Variants in COG5 observed in about 807,000 individuals in gnomAD.
COG5 encodes the protein conserved oligomeric Golgi complex subunit 5.
COG5 carries 86 observed loss-of-function variants against 110.4 expected under a neutral mutation model. That is an observed-to-expected ratio of 0.78 (90% CI 0.65 to 0.93). COG5 has a LOEUF of 0.93. Ranked by LOEUF, COG5 falls within the 40% of genes least tolerant of loss-of-function variation. The pLI is 0.00. For missense variants in COG5, 1,077 were observed against 987.0 expected, an observed-to-expected ratio of 1.09 and a Z score of -1.22; for synonymous variants, 360 against 334.6, an observed-to-expected ratio of 1.08 and a Z score of -0.83.
At chr7:107,435,405 C>A (rs1211076009) in intron 6 of COG5, among the ~76,000 whole-genome samples, 5 of 152,164 alleles carry the variant, frequency 3.3e-5, no homozygotes, top group Non-Finnish European at 5.9e-5. Flanking sequence ...GTAATCCCAG[C>A]ACTTTGGGAG....
At chr7:107,461,848 T>C (rs747339380) in intron 6 of COG5, among the ~76,000 whole-genome samples, 1 of 152,214 alleles carries the variant, frequency 6.6e-6, no homozygotes, top group Non-Finnish European at 1.5e-5. Flanking sequence ...GTGAGACCTC[T>C]ACACTGAAAA....
intron 11 of COG5, among the ~76,000 whole-genome samples, chr7:107,303,472 C>T (rs189421144): frequency 8.5e-5 from 13 of 152,158 alleles, no homozygotes; most frequent in Admixed American, 2.6e-4. Context: ...CTGTCACCCA[C>T]GCTGGAGTAC....
chr7:107,439,165 AG>A (rs1272735252), intron 6 of COG5, among the ~76,000 whole-genome samples: 3 of 152,156 alleles, frequency 2.0e-5, no homozygotes, highest in Non-Finnish European at 2.9e-5. Flanking sequence ...TGCCTCATCA[AG>A]GACATTCTTC....
intron 6 of COG5, among the ~76,000 whole-genome samples, chr7:107,509,702 G>C (rs991634891): frequency 1.3e-5 from 2 of 148,432 alleles, no homozygotes; most frequent in East Asian, 2.0e-4. Context: ...CGGATCTCTC[G>C]GCAGAAACTC....
chr7:107,294,438 T>G (rs1311835155), intron 12 of COG5, among the ~76,000 whole-genome samples: 2 of 152,164 alleles, frequency 1.3e-5, no homozygotes, highest in Non-Finnish European at 2.9e-5. Context: ...CTTCCACTTC[T>G]CCAACTCTGT....
At chr7:107,262,867 C>T (rs950794423) in intron 14 of COG5, among the ~76,000 whole-genome samples, 10 of 152,142 alleles carry the variant, frequency 6.6e-5, no homozygotes, top group Non-Finnish European at 1.3e-4. Context: ...ATCTGTAACA[C>T]GGAACTAATA....
At chr7:107,373,790 AT>A (rs1262818473) in intron 7 of COG5, among the ~76,000 whole-genome samples, 2 of 152,214 alleles carry the variant, frequency 1.3e-5, no homozygotes, top group Non-Finnish European at 2.9e-5. Context: ...CCTCTCACGC[AT>A]TAGTAAGTGT....
intron 10 of COG5, among the ~76,000 whole-genome samples, chr7:107,329,388 G>GC (rs1309546479): frequency 6.6e-6 from 1 of 151,634 alleles, no homozygotes; most frequent in Non-Finnish European, 1.5e-5. Context: ...GTGGATTTGG[G>GC]GTAAGATAGT....
intron 10 of COG5, among the ~76,000 whole-genome samples, chr7:107,349,672 C>T (rs1363036698): frequency 6.6e-6 from 1 of 152,184 alleles, no homozygotes; most frequent in East Asian, 1.9e-4. Flanking sequence ...ATTCTCCTGC[C>T]TCAGCCTCCC....
chr7:107,489,852 TC>T, intron 6 of COG5, among the ~76,000 whole-genome samples: 1 of 152,184 alleles, frequency 6.6e-6, no homozygotes, highest in South Asian at 2.1e-4. Flanking sequence ...AGCTGTGTGA[TC>T]CGGGAACGCT....
At chr7:107,525,148 G>A (rs533603159) in intron 6 of COG5, among the ~76,000 whole-genome samples, 2 of 151,832 alleles carry the variant, frequency 1.3e-5, no homozygotes, top group South Asian at 2.1e-4. Flanking sequence ...GGATGGTCTC[G>A]ATCTCTTGAC....
intron 7 of COG5, among the ~76,000 whole-genome samples, chr7:107,386,072 A>C (rs918572067): frequency 6.6e-6 from 1 of 151,850 alleles, no homozygotes; most frequent in Non-Finnish European, 1.5e-5. Flanking sequence ...AAACTGTAAA[A>C]TAAACCTTCT....
chr7:107,413,459 C>T (rs1792460965), intron 6 of COG5, among the ~76,000 whole-genome samples: 1 of 150,856 alleles, frequency 6.6e-6, no homozygotes, highest in Non-Finnish European at 1.5e-5. Flanking sequence ...GGAGAAAGGT[C>T]TATATTATTT....
At chr7:107,209,052 T>C in intron 21 of COG5, 3 of 983,844 alleles carry the variant, frequency 3.0e-6, no homozygotes, top group Non-Finnish European at 3.6e-6. Flanking sequence ...CCAAGCTATG[T>C]AAATGATTCT....
chr7:107,264,347 GCCT>G (rs1803616264), intron 14 of COG5, among the ~76,000 whole-genome samples: 2 of 150,488 alleles, frequency 1.3e-5, no homozygotes, highest in South Asian at 4.2e-4. Flanking sequence ...TATTCCAAGA[GCCT>G]CAAAATTGCC....
chr7:107,541,322 C>T (rs898492927), intron 5 of COG5, among the ~76,000 whole-genome samples: 5 of 149,994 alleles, frequency 3.3e-5, no homozygotes, highest in African/African-American at 1.2e-4. Context: ...CAGGACAGAA[C>T]CCGGTCTCTA....
chr7:107,351,203 T>C (rs1812103794), intron 10 of COG5, among the ~76,000 whole-genome samples: 1 of 152,136 alleles, frequency 6.6e-6, no homozygotes, highest in Admixed American at 6.5e-5. Flanking sequence ...AAACAAGCAA[T>C]GGGGAAAGGA....
At chr7:107,218,866 GATTAC>G (rs1396414969) in intron 19 of COG5, among the ~76,000 whole-genome samples, 3 of 151,874 alleles carry the variant, frequency 2.0e-5, no homozygotes, top group East Asian at 3.8e-4. Flanking sequence ...AGACAAATGG[GATTAC>G]ATTAAAGTAA....
chr7:107,356,341 T>G (rs1256397110), intron 10 of COG5, among the ~76,000 whole-genome samples: 3 of 152,222 alleles, frequency 2.0e-5, no homozygotes, highest in Non-Finnish European at 2.9e-5. Context: ...TAATCCATTT[T>G]CTAAACCAAA....
Sources: allele counts gnomAD v4.1 joint callset (sites outside exome capture counted in the v4.1 genomes callset), GRCh38; gene constraint gnomAD v4.1.1; transcripts MANE v1.5; gene names NCBI Gene and HGNC (gene_info 2026-07-23, HGNC 2026-07-21).